The following RB1CC1 variants were observed in gnomAD, a reference collection of about 807,000 sequenced individuals.
RB1CC1 encodes RB1 inducible coiled-coil 1.
A neutral mutation model predicts 177.5 loss-of-function variants in RB1CC1; 46 were observed. The ratio of observed to expected loss-of-function variants is 0.26; its 90% CI spans 0.20 to 0.33. The LOEUF is 0.33. Ranked by LOEUF, RB1CC1 falls within the 10% of genes least tolerant of loss-of-function variation. RB1CC1 has a pLI of 1.00. For missense variants in RB1CC1, 1,703 were observed against 1,816.3 expected (o/e 0.94, Z 1.13); for synonymous variants, 666 against 613.6 (o/e 1.09, Z -1.26).
At chr8:52,654,021 CAG>C (rs1256649748) in intron 15 of RB1CC1, among the ~76,000 whole-genome samples, 3 of 152,190 alleles carry the variant, frequency 2.0e-5, no homozygotes, top group Non-Finnish European at 4.4e-5. Flanking sequence ...CTTCACGACA[CAG>C]GGGAGGGAGG....
intron 1 of RB1CC1, among the ~76,000 whole-genome samples, chr8:52,696,366 T>C (rs1008928945): frequency 2.6e-5 from 4 of 152,132 alleles, no homozygotes; most frequent in African/African-American, 9.7e-5. Context: ...GAAAGAACCT[T>C]TGGAGAAGTG....
At chr8:52,650,253 C>T (rs1286156426) in intron 15 of RB1CC1, among the ~76,000 whole-genome samples, 3 of 152,208 alleles carry the variant, frequency 2.0e-5, no homozygotes, top group African/African-American at 2.4e-5. Flanking sequence ...GAATTCCCTC[C>T]TCGGTAGGTT....
At chr8:52,701,133 T>A (rs1411553725) in intron 1 of RB1CC1, among the ~76,000 whole-genome samples, 1 of 152,150 alleles carries the variant, frequency 6.6e-6, no homozygotes, top group East Asian at 1.9e-4. Context: ...GATCTTTTTT[T>A]TTTTTTGAGA....
At chr8:52,654,152 T>C (rs1279703596) in intron 15 of RB1CC1, among the ~76,000 whole-genome samples, 1 of 152,232 alleles carries the variant, frequency 6.6e-6, no homozygotes, top group African/African-American at 2.4e-5. Context: ...CTGTTTCCTA[T>C]TTTAAGTGTC....
chr8:52,657,605 C>T lies in RB1CC1; in HGVS notation c.2224G>A (p.Glu742Lys), dbSNP rs1449774029. 6.2e-7 allele frequency: 1 copy of T among 1,614,056 alleles called. No individual in the cohort carries two copies. Among genetic ancestry groups the T allele is most frequent in the South Asian group, 1.1e-5 (1 of 91,080 alleles). ...FMSAVNEFVI[E>K]ENLSSPNPIS... ...GGATTAGGAGACGACAAATTTTCTT[C>T]TATTACAAACTCATTCACAGCAGAC... is the stretch of plus-strand genomic sequence containing the variant. The change falls in exon 15 of 24, where the codon GAA (glutamate) becomes AAA (lysine). Residue 742 changes from glutamate to lysine, a missense_variant. Physicochemically the swap from Glu to Lys is moderately conservative, Grantham distance 56. Coordinates refer to ENST00000025008, the MANE Select transcript of RB1CC1 (RefSeq NM_014781.5).
chr8:52,689,577 T>G (rs1331548582), intron 1 of RB1CC1, among the ~76,000 whole-genome samples: 2 of 152,224 alleles, frequency 1.3e-5, no homozygotes, highest in Admixed American at 6.5e-5. Context: ...TTCTAAATGC[T>G]TTATTAAATG....
In RB1CC1 at chr8:52,714,065, C is replaced by T. The variant is rs1006666441; in HGVS notation, c.-167+10G>A. The T allele has an allele frequency of 2.8e-6, 1 of 352,692 alleles. No homozygotes were observed. Among genetic ancestry groups the T allele is most frequent in the Admixed American group, 3.6e-5 (1 of 27,958 alleles). The allele number at this position is 352,692 out of a possible 1,614,324, so 21.8% of individuals were successfully genotyped here. A position where few individuals can be genotyped will look rare whatever the true frequency, so the allele number is the denominator to read the frequency against. On this transcript the variant is annotated intron_variant, in intron 1 of 23. Transcript: ENST00000025008. ...TGGGGGAAGGGGACGCGGGCGGCGGCGACACTTACCCGGCAACGCCTCCTC... is the reference window on the plus strand; with the variant it reads ...TGGGGGAAGGGGACGCGGGCGGCGGTGACACTTACCCGGCAACGCCTCCTC...
intron 1 of RB1CC1, among the ~76,000 whole-genome samples, chr8:52,689,553 A>G (rs1238734657): frequency 6.6e-6 from 1 of 152,180 alleles, no homozygotes; most frequent in East Asian, 1.9e-4. Context: ...TATTCATTAT[A>G]TTCCAGGAAA....
Position 52,646,297 on chromosome 8 carries a change from T to TAAAC in RB1CC1, c.3822-434_3822-431dup, listed in dbSNP as rs149733207. ...GGCAACAAAGTGAGACCCCGTCTCT[T>TAAAC]AAACAAACAAACAAACAAACAACAA... is the stretch of plus-strand genomic sequence containing the variant. On this transcript the variant is annotated intron_variant, in intron 15 of 23. Coordinates refer to ENST00000025008, the MANE Select transcript of RB1CC1 (RefSeq NM_014781.5). Among the ~76,000 whole-genome samples the TAAAC allele has an allele frequency of 4.3e-4, 65 of 151,868 alleles. 1 individual carries two copies. The highest frequency in any genetic ancestry group is 6.0e-4 in the African/African-American group (25 of 41,406).
intron 5 of RB1CC1, among the ~76,000 whole-genome samples, chr8:52,678,430 C>T (rs960051115): frequency 6.6e-6 from 1 of 151,772 alleles, no homozygotes; most frequent in African/African-American, 2.4e-5. Context: ...AAAACAACAA[C>T]AAAAAAAGTA....
chr8:52,637,062 C>G (rs572452953), intron 18 of RB1CC1, among the ~76,000 whole-genome samples: 2 of 152,276 alleles, frequency 1.3e-5, no homozygotes, highest in East Asian at 3.9e-4. Flanking sequence ...TTTTGGGACT[C>G]TTGCAATTCC....
chr8:52,635,882 C>T, intron 19 of RB1CC1, 133 bp downstream of exon 19: 2 of 1,139,254 alleles, frequency 1.8e-6, no homozygotes, highest in Non-Finnish European at 1.2e-6. Context: ...ACAGTGACCA[C>T]AAAAATAAGT....
At chr8:52,685,095 C>T (rs947552420) in intron 3 of RB1CC1, among the ~76,000 whole-genome samples, 9 of 151,186 alleles carry the variant, frequency 6.0e-5, no homozygotes, top group African/African-American at 1.2e-4. Context: ...CTCTGCCCCC[C>T]GGGGTTCAAG....
At chr8:52,625,545 T>G (rs1237017858) in intron 22 of RB1CC1, among the ~76,000 whole-genome samples, 1 of 152,158 alleles carries the variant, frequency 6.6e-6, no homozygotes, top group African/African-American at 2.4e-5. Context: ...CAACTTATGA[T>G]AAGGTTATGT....
In RB1CC1 at chr8:52,657,539, G is replaced by C; in HGVS notation, c.2290C>G (p.Leu764Val). 1 of 1,614,004 alleles carries C rather than the reference G, an allele frequency of 6.2e-7. No homozygotes were observed. The highest frequency in any genetic ancestry group is 8.5e-7 in the Non-Finnish European group (1 of 1,180,016). ...ATCGCATTGATAACTGATGAATAAA[G>C]TGATTCCACCATCATTTCTGGGCTT... The part of the protein sequence containing the change: ...PQSPEMMVES[L>V]YSSVINAIDS... The change falls in exon 15 of 24, where the codon CTT (leucine) becomes GTT (valine). Residue 764 changes from leucine to valine, a missense_variant. Coordinates refer to ENST00000025008, the MANE Select transcript of RB1CC1 (RefSeq NM_014781.5).
intron 15 of RB1CC1, among the ~76,000 whole-genome samples, chr8:52,651,583 G>C (rs1850589583): frequency 6.6e-6 from 1 of 152,220 alleles, no homozygotes; most frequent in Admixed American, 6.5e-5. Flanking sequence ...GTAACACCAA[G>C]TGTTGCCTTT....
At chr8:52,659,955 C>T (rs1851465917) in intron 12 of RB1CC1, among the ~76,000 whole-genome samples, 1 of 152,208 alleles carries the variant, frequency 6.6e-6, no homozygotes, top group Admixed American at 6.5e-5. Context: ...TGAGATTGTG[C>T]CACTGCACTC....
intron 1 of RB1CC1, among the ~76,000 whole-genome samples, chr8:52,701,863 G>C (rs35645016): frequency 0.26 from 38,798 of 151,244 alleles, 5,634 homozygotes; most frequent in Non-Finnish European, 0.33. Flanking sequence ...CTGGAGTGCA[G>C]TGGCACAATC....
At chr8:52,639,877 T>C (rs1469518172) in intron 18 of RB1CC1, among the ~76,000 whole-genome samples, 1 of 152,184 alleles carries the variant, frequency 6.6e-6, no homozygotes, top group Non-Finnish European at 1.5e-5. Context: ...TCTTCAGGAT[T>C]CCTTGTATTT....
Sources: gnomAD v4.1 joint callset for allele counts (sites outside exome capture counted in the v4.1 genomes callset) on GRCh38, gnomAD v4.1.1 for gene constraint, MANE v1.5 for transcripts, NCBI Gene and HGNC (gene_info 2026-07-23, HGNC 2026-07-21) for gene names.